The following EXOC6B variants were observed in gnomAD, a reference collection of about 807,000 sequenced individuals.
EXOC6B encodes exocyst complex component 6B.
In EXOC6B, 54 loss-of-function variants were observed where a neutral mutation model predicts 113.5. The observed-to-expected ratio is 0.48, with a 90% CI of 0.38 to 0.60. EXOC6B has a LOEUF of 0.60. Among genes scored for constraint, EXOC6B ranks in the 20% least tolerant of loss-of-function variants. The pLI, the probability that EXOC6B is intolerant of heterozygous loss-of-function variation, is 0.00. For synonymous variants in EXOC6B, 357 were observed against 339.0 expected, an observed-to-expected ratio of 1.05 and a Z score of -0.58; for missense variants, 797 against 977.5, an observed-to-expected ratio of 0.82 and a Z score of 2.46.
intron 19 of EXOC6B, among the ~76,000 whole-genome samples, chr2:72,340,550 C>T (rs1456061400): frequency 6.6e-6 from 1 of 152,104 alleles, no homozygotes; most frequent in African/African-American, 2.4e-5. Flanking sequence ...AGTATTGTTT[C>T]CAGTAAACTT....
chr2:72,681,184 A>T (rs1676674566), intron 6 of EXOC6B, among the ~76,000 whole-genome samples: 1 of 152,162 alleles, frequency 6.6e-6, no homozygotes, highest in African/African-American at 2.4e-5. Context: ...ACATCCATAA[A>T]TATACCCTTC....
intron 20 of EXOC6B, among the ~76,000 whole-genome samples, chr2:72,310,919 A>T (rs1687150861): frequency 1.3e-5 from 2 of 151,752 alleles, no homozygotes; most frequent in Non-Finnish European, 2.9e-5. Context: ...AGCCATTTTC[A>T]AGAGAAAAGA....
At chr2:72,223,464 A>G (rs535255798) in intron 20 of EXOC6B, among the ~76,000 whole-genome samples, 13 of 152,208 alleles carry the variant, frequency 8.5e-5, no homozygotes, top group Non-Finnish European at 1.6e-4. Context: ...AAGGGTTAGC[A>G]TCTCTGATTA....
intron 18 of EXOC6B, among the ~76,000 whole-genome samples, chr2:72,454,960 A>T (rs1025466646): frequency 6.6e-6 from 1 of 152,232 alleles, no homozygotes; most frequent in African/African-American, 2.4e-5. Context: ...TAGCTCAAAT[A>T]ACGTAACTGT....
intron 6 of EXOC6B, among the ~76,000 whole-genome samples, chr2:72,590,871 G>A (rs7591025): frequency 2.6e-5 from 4 of 151,780 alleles, no homozygotes; most frequent in African/African-American, 9.7e-5. Context: ...CCATAATCTA[G>A]CTTATAACAA....
At chr2:72,564,101 A>G (rs193113731) in intron 7 of EXOC6B, among the ~76,000 whole-genome samples, 2 of 152,308 alleles carry the variant, frequency 1.3e-5, no homozygotes, top group Admixed American at 1.3e-4. Context: ...AGGGGAATAC[A>G]CTATAAGAAA....
chr2:72,823,150 TAAAA>T (rs778304758), intron 1 of EXOC6B, among the ~76,000 whole-genome samples: 5 of 73,848 alleles, frequency 6.8e-5, no homozygotes, highest in African/African-American at 2.4e-4. Context: ...TGTAATCTGC[TAAAA>T]AAAAAAAAAA....
intron 18 of EXOC6B, among the ~76,000 whole-genome samples, chr2:72,443,900 C>T (rs901511374): frequency 6.6e-6 from 1 of 152,082 alleles, no homozygotes; most frequent in African/African-American, 2.4e-5. Context: ...TCATTCTGCC[C>T]ATAGGCCCTC....
At chr2:72,186,791 T>C (rs1558995063) in intron 20 of EXOC6B, among the ~76,000 whole-genome samples, 1 of 152,230 alleles carries the variant, frequency 6.6e-6, no homozygotes, top group East Asian at 1.9e-4. Flanking sequence ...GTATTTCTGG[T>C]TAATGACACA....
intron 1 of EXOC6B, among the ~76,000 whole-genome samples, chr2:72,747,398 CA>C: frequency 6.6e-6 from 1 of 152,002 alleles, no homozygotes; most frequent in East Asian, 1.9e-4. Context: ...CCTGTGAAAG[CA>C]TAATGTTTGA....
At chr2:72,527,963 ATGATT>A (rs1167336649) in intron 8 of EXOC6B, among the ~76,000 whole-genome samples, 1 of 151,914 alleles carries the variant, frequency 6.6e-6, no homozygotes, top group East Asian at 1.9e-4. Flanking sequence ...TCCTGGATAT[ATGATT>A]TGCAAATATT....
At chr2:72,810,112 T>G (rs1685804103) in intron 1 of EXOC6B, among the ~76,000 whole-genome samples, 1 of 151,926 alleles carries the variant, frequency 6.6e-6, no homozygotes, top group South Asian at 2.1e-4. Flanking sequence ...GTCCAAACAC[T>G]TGGAAACTAA....
At chr2:72,783,495 T>C (rs1283380085) in intron 1 of EXOC6B, among the ~76,000 whole-genome samples, 1 of 151,840 alleles carries the variant, frequency 6.6e-6, no homozygotes, top group African/African-American at 2.4e-5. Flanking sequence ...AGCTAATTTT[T>C]GTATTTTTAG....
intron 1 of EXOC6B, among the ~76,000 whole-genome samples, chr2:72,810,894 C>A (rs1223562216): frequency 2.0e-5 from 3 of 151,582 alleles, no homozygotes; most frequent in Non-Finnish European, 4.4e-5. Context: ...ACAAAAAGTA[C>A]AAAAAGTGGT....
At position 72,480,608 on chromosome 2, in the gene EXOC6B, C is replaced by G; in HGVS notation, c.1800+8G>C. 1.3e-6 allele frequency: 2 copies of G among 1,574,830 alleles called. No individual in the cohort carries two copies. Among genetic ancestry groups the G allele is most frequent in the Non-Finnish European group, 1.7e-6 (2 of 1,158,404 alleles). ...AAGCAGTTCCACAGTACTGTAGGGCCCTCTCACCTTAAAAGTTGTGGTGCC... is the reference window on the plus strand; with the variant it reads ...AAGCAGTTCCACAGTACTGTAGGGCGCTCTCACCTTAAAAGTTGTGGTGCC... On this transcript the variant is annotated splice_region_variant and intron_variant, in intron 17 of 21. Coordinates refer to ENST00000272427, the MANE Select transcript of EXOC6B (RefSeq NM_015189.3).
rs146775233 is a variant in EXOC6B, at chr2:72,403,424, T to C, written c.1981-23554A>G. Among the ~76,000 whole-genome samples, 876 of 152,272 alleles carry C rather than the reference T, an allele frequency of 5.8e-3. 10 individuals carry two copies. Among genetic ancestry groups the C allele is most frequent in the African/African-American group, 0.019 (809 of 41,560 alleles). ...CTCTAGGGCCCAGTGTGGTGGCTCA[T>C]ACCTATAATCACAGTGCTTTGGCAG... On this transcript the variant is annotated intron_variant, in intron 18 of 21. Transcript: ENST00000272427.
At chr2:72,387,797 G>A (rs557088897) in intron 18 of EXOC6B, among the ~76,000 whole-genome samples, 87 of 151,280 alleles carry the variant, frequency 5.8e-4, no homozygotes, top group African/African-American at 2.0e-3. Context: ...TTCCACTATT[G>A]TGTCCATTTA....
intron 6 of EXOC6B, among the ~76,000 whole-genome samples, chr2:72,576,745 C>A (rs773034524): frequency 3.9e-5 from 6 of 152,106 alleles, no homozygotes; most frequent in African/African-American, 7.2e-5. Flanking sequence ...TTTAAAGAAA[C>A]TTGTTTAATC....
At chr2:72,471,370 G>A (rs1698402584) in intron 17 of EXOC6B, among the ~76,000 whole-genome samples, 1 of 152,102 alleles carries the variant, frequency 6.6e-6, no homozygotes, top group African/African-American at 2.4e-5. Context: ...TTAGCCCTTT[G>A]TCAGATGAGT....
Sources: gnomAD v4.1 joint callset for allele counts (sites outside exome capture counted in the v4.1 genomes callset) on GRCh38, gnomAD v4.1.1 for gene constraint, MANE v1.5 for transcripts, NCBI Gene and HGNC (gene_info 2026-07-23, HGNC 2026-07-21) for gene names.